The following SHC3 variants were observed in gnomAD, a reference collection of about 807,000 sequenced individuals.
SHC3 encodes SHC-transforming protein 3.
SHC3 carries 15 observed loss-of-function variants against 60.4 expected under a neutral mutation model. The observed-to-expected ratio is 0.25, with a 90% CI of 0.17 to 0.38. The LOEUF (loss-of-function observed/expected upper bound fraction) is 0.38, where lower values mean the gene tolerates loss of function less well. SHC3 is among the 10% of genes least tolerant of loss of function. The pLI is 1.00. For synonymous variants in SHC3, 294 were observed against 325.9 expected, an observed-to-expected ratio of 0.90 and a Z score of 1.05; for missense variants, 677 against 786.1, an observed-to-expected ratio of 0.86 and a Z score of 1.66.
At chr9:89,077,805 A>C (rs1825383079) in intron 3 of SHC3, 35 bp downstream of exon 3, 1 of 1,612,256 alleles carries the variant, frequency 6.2e-7, no homozygotes, top group South Asian at 1.1e-5. Flanking sequence ...GAAGTAGAGG[A>C]GACACAGTTA....
intron 1 of SHC3, among the ~76,000 whole-genome samples, chr9:89,123,214 T>A (rs1192829019): frequency 6.6e-6 from 1 of 152,238 alleles, no homozygotes; most frequent in East Asian, 1.9e-4. Flanking sequence ...TGTTTAAACA[T>A]GTTGTAAAAA....
chr9:89,173,420 C>T (rs972305999), intron 1 of SHC3, among the ~76,000 whole-genome samples: 3 of 152,260 alleles, frequency 2.0e-5, no homozygotes, highest in Non-Finnish European at 4.4e-5. Flanking sequence ...AAAACTATGA[C>T]ATATACTCAA....
At chr9:89,078,257 C>T (rs1825391589) in intron 2 of SHC3, among the ~76,000 whole-genome samples, 1 of 151,890 alleles carries the variant, frequency 6.6e-6, no homozygotes, top group Non-Finnish European at 1.5e-5. Flanking sequence ...CACTGTGATG[C>T]TATCTATCTC....
At chr9:89,034,537 C>G (rs1824540246) in intron 11 of SHC3, among the ~76,000 whole-genome samples, 1 of 152,200 alleles carries the variant, frequency 6.6e-6, no homozygotes, top group African/African-American at 2.4e-5. Flanking sequence ...GGAGGTGAAA[C>G]TGTCCAGGTC....
In SHC3 at chr9:89,112,222, G is replaced by A. The variant is rs147468608; in HGVS notation, c.545+334C>T. 3.4e-4 allele frequency among the ~76,000 whole-genome samples: 51 copies of A among 152,224 alleles called. No homozygotes were observed. The East Asian group carries it at 9.3e-3, about 28-fold the overall frequency. ...TGATTTTCTTTTTTAAAAAGAACATGGTTCAGTACATTTTAAAATACCAAT... is the reference window on the plus strand; with the variant it reads ...TGATTTTCTTTTTTAAAAAGAACATAGTTCAGTACATTTTAAAATACCAAT... On this transcript the variant is annotated intron_variant, in intron 2 of 11. Coordinates refer to ENST00000375835, the MANE Select transcript of SHC3 (RefSeq NM_016848.6).
chr9:89,097,672 G>A (rs1564140949), intron 2 of SHC3, among the ~76,000 whole-genome samples: 1 of 152,156 alleles, frequency 6.6e-6, no homozygotes, highest in Non-Finnish European at 1.5e-5. Flanking sequence ...CACCTACTAT[G>A]TGCTGGGCCA....
intron 6 of SHC3, among the ~76,000 whole-genome samples, chr9:89,052,561 T>C (rs1320177731): frequency 1.3e-5 from 2 of 152,162 alleles, no homozygotes; most frequent in Admixed American, 6.6e-5. Context: ...TTCAAACCCA[T>C]GAGGCCTTAA....
chr9:89,177,198 C>A (rs1208841194), intron 1 of SHC3, among the ~76,000 whole-genome samples: 1 of 152,158 alleles, frequency 6.6e-6, no homozygotes, highest in Non-Finnish European at 1.5e-5. Flanking sequence ...CCTTAAATAT[C>A]ATAACATGCT....
intron 1 of SHC3, among the ~76,000 whole-genome samples, chr9:89,166,721 T>C (rs890611222): frequency 6.6e-6 from 1 of 151,220 alleles, no homozygotes; most frequent in Non-Finnish European, 1.5e-5. Flanking sequence ...GGAAGTGAAG[T>C]GGGAAGGAAA....
intron 2 of SHC3, 66 bp from the exon 3 acceptor site, chr9:89,077,969 A>G: frequency 1.3e-6 from 2 of 1,552,052 alleles, no homozygotes; most frequent in Non-Finnish European, 1.8e-6. Context: ...CAGAGATGCT[A>G]CACTTGCACA....
At chr9:89,069,074 C>T (rs1303012623) in intron 5 of SHC3, among the ~76,000 whole-genome samples, 4 of 152,134 alleles carry the variant, frequency 2.6e-5, no homozygotes, top group Admixed American at 1.3e-4. Context: ...TTTGGGAGGC[C>T]GAGGTGGGTG....
At chr9:89,158,571 C>T (rs553439856) in intron 1 of SHC3, among the ~76,000 whole-genome samples, 8 of 152,170 alleles carry the variant, frequency 5.3e-5, no homozygotes, top group East Asian at 1.9e-4. Context: ...TCCATCCTTG[C>T]GATTTTCTGT....
intron 11 of SHC3, among the ~76,000 whole-genome samples, chr9:89,019,799 C>T (rs149393669): frequency 1.2e-3 from 180 of 152,190 alleles, no homozygotes; most frequent in African/African-American, 4.0e-3. Flanking sequence ...GATAGGAATA[C>T]TCAATATTGT....
rs986839454 is a variant in SHC3 at position 89,110,495 on chromosome 9, C to A, written c.545+2061G>T. The stretch of plus-strand genomic sequence containing the variant: ...TTGAACACTTAGTTACCATGGAGAC[C>A]TTAAAAGCTCCACAGTGTGCTACAT... On this transcript the variant is annotated intron_variant, in intron 2 of 11. Transcript: ENST00000375835. The A allele has an allele frequency of 5.0e-5, 49 of 976,364 alleles. 1 individual carries two copies. The highest frequency in any genetic ancestry group is 5.2e-4 in the Middle Eastern group (1 of 1,916). The allele number at this position is 976,364 out of a possible 1,614,324, so 60.5% of individuals were successfully genotyped here.
Position 89,178,050 on chromosome 9 carries a change from G to A in SHC3, c.411C>T (p.Pro137=), listed in dbSNP as rs567305663. ...CGCTGGCGTGCGGCGCCCCCCGAGG[G>A]GGCCTGGGCAGCGGCTCGTCGCCGG... ...GRPGDEPLPR[P]PRGAPHASDQ... The change falls in exon 1 of 12, where the codon CCC becomes CCT. Residue 137 remains proline (P), a synonymous_variant. Coordinates refer to ENST00000375835, the MANE Select transcript of SHC3 (RefSeq NM_016848.6). The surrounding 1 kb of genome is among the most constrained non-coding windows in gnomAD (Gnocchi z 6.9). 11 of 1,220,918 alleles carry A rather than the reference G, an allele frequency of 9.0e-6. No homozygotes were observed. The African/African-American group carries it at 9.4e-5, about 10-fold the overall frequency. 75.6% of individuals were successfully genotyped at this position (1,220,918 alleles called of 1,614,324 possible).
At chr9:89,162,574 C>A (rs965219232) in intron 1 of SHC3, among the ~76,000 whole-genome samples, 1 of 152,064 alleles carries the variant, frequency 6.6e-6, no homozygotes, top group East Asian at 1.9e-4. Flanking sequence ...CTTCCTTACG[C>A]CTTATACAAA....
intron 11 of SHC3, among the ~76,000 whole-genome samples, chr9:89,027,413 G>A (rs928528697): frequency 5.3e-5 from 8 of 149,986 alleles, no homozygotes; most frequent in Admixed American, 2.7e-4. Context: ...TGTGCCCCCC[G>A]GGTTCACGCC....
intron 1 of SHC3, among the ~76,000 whole-genome samples, chr9:89,166,385 A>G (rs947850885): frequency 5.3e-5 from 8 of 152,232 alleles, no homozygotes; most frequent in South Asian, 2.1e-4. Context: ...GAATAAAACA[A>G]TTGATTTAAA....
intron 2 of SHC3, among the ~76,000 whole-genome samples, chr9:89,093,877 G>C (rs112715900): frequency 0.026 from 3,895 of 152,260 alleles, 72 homozygotes; most frequent in Non-Finnish European, 0.041. Flanking sequence ...GCCAAGGTGG[G>C]TGGATCACCT....
Sources: gnomAD v4.1 joint callset for allele counts (sites outside exome capture counted in the v4.1 genomes callset) on GRCh38, gnomAD v4.1.1 for gene constraint, Gnocchi (gnomAD v3.1) non-coding constraint, MANE v1.5 for transcripts, NCBI Gene and HGNC (gene_info 2026-07-23, HGNC 2026-07-21) for gene names.